Variants in APOL3 observed in about 807,000 individuals in gnomAD.
The protein encoded by APOL3 is TNF-inducible protein CG12-1.
Under a neutral mutation model 11.6 loss-of-function variants are expected in APOL3, and 14 were observed. The ratio of observed to expected loss-of-function variants is 1.21; its 90% CI spans 0.80 to 1.89. The LOEUF is 1.89. APOL3 is among the 40% of genes most tolerant of loss of function. The pLI is 0.00. For missense variants in APOL3, 483 were observed against 492.1 expected, an observed-to-expected ratio of 0.98 and a Z score of 0.17; for synonymous variants, 192 against 190.6, an observed-to-expected ratio of 1.01 and a Z score of -0.06.
chr22:36,154,903 T>C (rs904510503), intron 1 of APOL3, among the ~76,000 whole-genome samples: 2 of 152,144 alleles, frequency 1.3e-5, no homozygotes, highest in Non-Finnish European at 2.9e-5. Flanking sequence ...CCCCCCACTT[T>C]CTGCAACACC....
upstream of APOL3, among the ~76,000 whole-genome samples, chr22:36,162,496 A>G (rs747367986): frequency 1.3e-5 from 2 of 152,222 alleles, no homozygotes; most frequent in South Asian, 2.1e-4. Flanking sequence ...TTATATAACC[A>G]TAAACTGCCA....
intron 1 of APOL3, among the ~76,000 whole-genome samples, chr22:36,152,851 G>A (rs566143360): frequency 1.3e-5 from 2 of 152,318 alleles, no homozygotes; most frequent in Non-Finnish European, 2.9e-5. Context: ...GTTCACATCT[G>A]TAATCCCAGC....
chr22:36,160,520 G>A, intron 1 of APOL3, 149 bp downstream of exon 1: 1 of 773,258 alleles, frequency 1.3e-6, no homozygotes, highest in South Asian at 1.8e-5. Flanking sequence ...AAACCTGGGT[G>A]CAAATTCAGG....
chr22:36,140,934 A>C, exon 3 of APOL3: 1 of 457,988 alleles, frequency 2.2e-6, no homozygotes, highest in Non-Finnish European at 3.8e-6. Context: ...TCGTTAGTCT[A>C]AAGGAAATTT....
chr22:36,154,823 T>C (rs377209307), intron 1 of APOL3, among the ~76,000 whole-genome samples: 38 of 152,296 alleles, frequency 2.5e-4, no homozygotes, highest in Middle Eastern at 6.8e-3. Context: ...CTACACCAAG[T>C]CAACTCTAAC....
chr22:36,160,312 C>T (rs2013575910), intron 1 of APOL3, among the ~76,000 whole-genome samples: 1 of 152,214 alleles, frequency 6.6e-6, no homozygotes, highest in African/African-American at 2.4e-5. Flanking sequence ...CTGTCCTCCA[C>T]CTTCTCTGGT....
chr22:36,157,034 T>G, intron 1 of APOL3: 2 of 456,264 alleles, frequency 4.4e-6, no homozygotes, highest in Non-Finnish European at 8.8e-6. Context: ...AATAAGACCA[T>G]GACTCTGATT....
chr22:36,143,701 T>C (rs1229146504), intron 2 of APOL3, among the ~76,000 whole-genome samples: 1 of 152,212 alleles, frequency 6.6e-6, no homozygotes, highest in Non-Finnish European at 1.5e-5. Flanking sequence ...CTCAAGCCAC[T>C]TGACGGCCTC....
chr22:36,158,434 C>A (rs2013254660), intron 1 of APOL3, among the ~76,000 whole-genome samples: 1 of 152,122 alleles, frequency 6.6e-6, no homozygotes, highest in Non-Finnish European at 1.5e-5. Flanking sequence ...TTAGAGGGTG[C>A]CATGCAGCGT....
chr22:36,145,709 G>T, intron 1 of APOL3, 110 bp from the exon 3 acceptor site: 2 of 1,406,204 alleles, frequency 1.4e-6, no homozygotes, highest in Admixed American at 2.0e-5. Context: ...GTCACATGGG[G>T]TATTTTTGAT....
chr22:36,164,975 T>C (rs977095353), upstream of APOL3: 2 of 152,206 alleles, frequency 1.3e-5, no homozygotes, highest in African/African-American at 4.8e-5. Context: ...ACTGTTGATA[T>C]TTGTCTTAAC....
At chr22:36,161,224 G>A (rs529233743), upstream of APOL3, among the ~76,000 whole-genome samples, 1 of 152,178 alleles carries the variant, frequency 6.6e-6, no homozygotes, top group East Asian at 1.9e-4. Context: ...TTTGAGATGG[G>A]GTCTGGCTCT....
At chr22:36,154,376 C>G (rs1464210226) in intron 1 of APOL3, 1 of 326,268 alleles carries the variant, frequency 3.1e-6, no homozygotes, top group African/African-American at 2.2e-5. Flanking sequence ...TGGGTTGATA[C>G]TAACATTCAA....
upstream of APOL3, chr22:36,164,841 T>C (rs2013818529): frequency 6.6e-6 from 1 of 152,236 alleles, no homozygotes; most frequent in African/African-American, 2.4e-5. Flanking sequence ...ATTGGGCTTT[T>C]GATTCCTCTT....
intron 1 of APOL3, among the ~76,000 whole-genome samples, chr22:36,157,673 C>T (rs148451770): frequency 2.8e-4 from 43 of 152,274 alleles, no homozygotes; most frequent in Admixed American, 2.7e-3. Flanking sequence ...ATAGGAAGCA[C>T]GGTTTGCAAT....
At chr22:36,149,130 T>C in intron 1 of APOL3, 1 of 1,367,716 alleles carries the variant, frequency 7.3e-7, no homozygotes, top group Non-Finnish European at 9.8e-7. Flanking sequence ...AGGGTTCGTT[T>C]TTTTTCTTAA....
At chr22:36,159,834 T>C (rs1247642571) in intron 1 of APOL3, among the ~76,000 whole-genome samples, 1 of 151,908 alleles carries the variant, frequency 6.6e-6, no homozygotes, top group Admixed American at 6.6e-5. Context: ...TCAGGGTGGG[T>C]GAAACAACCT....
At chr22:36,143,220 C>T (rs2060067501) in intron 2 of APOL3, among the ~76,000 whole-genome samples, 1 of 152,250 alleles carries the variant, frequency 6.6e-6, no homozygotes, top group Non-Finnish European at 1.5e-5. Flanking sequence ...GTTGGCAACA[C>T]CCCATGTGTT....
chr22:36,147,067 C>T (rs2060247936), intron 1 of APOL3, among the ~76,000 whole-genome samples: 1 of 152,206 alleles, frequency 6.6e-6, no homozygotes, highest in Admixed American at 6.5e-5. Flanking sequence ...GGATTTGACT[C>T]AAGGCCAGCG....
Sources: gnomAD v4.1 joint callset for allele counts (sites outside exome capture counted in the v4.1 genomes callset) on GRCh38, gnomAD v4.1.1 for gene constraint, MANE v1.5 for transcripts, NCBI Gene and HGNC (gene_info 2026-07-23, HGNC 2026-07-21) for gene names.